The following TNIK variants were observed in gnomAD, a reference collection of about 807,000 sequenced individuals.
TNIK encodes TRAF2 and NCK interacting kinase.
TNIK carries 49 observed loss-of-function variants against 191.3 expected under a neutral mutation model. That is an observed-to-expected ratio of 0.26 (90% CI 0.20 to 0.32). The LOEUF (loss-of-function observed/expected upper bound fraction) is 0.32. TNIK is among the 10% of genes least tolerant of loss of function. The pLI is 1.00. For missense variants in TNIK, 1,155 were observed against 1,702.3 expected (o/e 0.68, Z 5.66); for synonymous variants, 594 against 600.9 (o/e 0.99, Z 0.17).
chr3:171,312,439 A>G (rs1754144304), intron 2 of TNIK, among the ~76,000 whole-genome samples: 2 of 152,152 alleles, frequency 1.3e-5, no homozygotes, highest in Non-Finnish European at 2.9e-5. Context: ...CTGACTATTT[A>G]GAATAACTGC....
chr3:171,107,574 C>A (rs1576834247), intron 20 of TNIK, among the ~76,000 whole-genome samples: 1 of 152,146 alleles, frequency 6.6e-6, no homozygotes, highest in African/African-American at 2.4e-5. Flanking sequence ...AGCAGTGAAG[C>A]TGGATGCTAA....
At chr3:171,128,565 G>A (rs1448053395) in intron 16 of TNIK, 149 bp downstream of exon 16, 6 of 1,014,726 alleles carry the variant, frequency 5.9e-6, no homozygotes, top group African/African-American at 3.2e-5. Context: ...TTAAAAATCA[G>A]TGGGGCCACC....
At chr3:171,401,635 T>G (rs1046715110) in intron 1 of TNIK, among the ~76,000 whole-genome samples, 1 of 152,020 alleles carries the variant, frequency 6.6e-6, no homozygotes, top group African/African-American at 2.4e-5. Flanking sequence ...GGGGCAACAC[T>G]TTATCAAATG....
chr3:171,086,300 T>C (rs983388667), intron 24 of TNIK, among the ~76,000 whole-genome samples: 1 of 152,182 alleles, frequency 6.6e-6, no homozygotes, highest in African/African-American at 2.4e-5. Flanking sequence ...CTCCTCAAGG[T>C]TGAATTCCCC....
At chr3:171,434,495 T>C (rs771394087) in intron 1 of TNIK, among the ~76,000 whole-genome samples, 1 of 151,998 alleles carries the variant, frequency 6.6e-6, no homozygotes, top group African/African-American at 2.4e-5. Context: ...TCTTGCTCTG[T>C]TGCCCAGGCT....
At chr3:171,305,010 A>T (rs771863980) in intron 2 of TNIK, among the ~76,000 whole-genome samples, 2 of 114,798 alleles carry the variant, frequency 1.7e-5, no homozygotes, top group African/African-American at 8.5e-5. Flanking sequence ...AAGTATAATT[A>T]AAAAAAAAAA....
At chr3:171,283,160 T>TA (rs3215113) in intron 2 of TNIK, among the ~76,000 whole-genome samples, 28,022 of 141,830 alleles carry the variant, frequency 0.2, 2,856 homozygotes, top group African/African-American at 0.26. Context: ...ATACCTACTT[T>TA]AAAAAAAAAA....
At chr3:171,444,574 T>TAAAAAAAAA (rs776537688) in intron 1 of TNIK, among the ~76,000 whole-genome samples, 1 of 90,842 alleles carries the variant, frequency 1.1e-5, no homozygotes. Flanking sequence ...ATAAACTTGC[T>TAAAAAAAAA]AAAAAAAAAA....
At position 171,063,681 on chromosome 3, in the gene TNIK, A is replaced by G; in HGVS notation, c.*200T>C. 1 of 491,788 alleles carries G rather than the reference A, an allele frequency of 2.0e-6. No individual in the cohort carries two copies. The highest frequency in any genetic ancestry group is 3.8e-5 in the Admixed American group (1 of 26,168). 30.5% of individuals were successfully genotyped at this position (491,788 alleles called of 1,614,324 possible). Reference sequence around the variant, plus strand: ...TGGGGATCTCCTGGAAATTCCTGCCACCTTTTTCTCTCCTTCTCAACCAGG... The same window carrying G: ...TGGGGATCTCCTGGAAATTCCTGCCGCCTTTTTCTCTCCTTCTCAACCAGG... On this transcript the variant is annotated 3_prime_UTR_variant, in exon 33 of 33. Transcript: ENST00000436636.
At chr3:171,267,179 C>T (rs1748500261) in intron 2 of TNIK, among the ~76,000 whole-genome samples, 1 of 152,154 alleles carries the variant, frequency 6.6e-6, no homozygotes, top group South Asian at 2.1e-4. Context: ...GTAGTATTCA[C>T]TCAATCTGAG....
In TNIK at chr3:171,201,041, C is replaced by T. The variant is rs116082570; in HGVS notation, c.307-6406G>A. On this transcript the variant is annotated intron_variant, in intron 4 of 32. Transcript: ENST00000436636. ...GGCAGGGGGCAGGAAGAGGTGCAAG[C>T]GGGAAGATTAAGGTCTTCCTAAAGT... is the stretch of plus-strand genomic sequence containing the variant. Among the ~76,000 whole-genome samples the T allele has an allele frequency of 9.4e-3, 1,434 of 152,208 alleles. 23 individuals are homozygous for T. The highest frequency in any genetic ancestry group is 0.033 in the African/African-American group (1,375 of 41,524).
chr3:171,343,431 C>T (rs984511155), intron 2 of TNIK, among the ~76,000 whole-genome samples: 3 of 152,238 alleles, frequency 2.0e-5, no homozygotes, highest in Non-Finnish European at 4.4e-5. Flanking sequence ...CACCATCTCT[C>T]AGGTTGTTGG....
At chr3:171,410,596 G>A (rs987424520) in intron 1 of TNIK, among the ~76,000 whole-genome samples, 6 of 151,916 alleles carry the variant, frequency 3.9e-5, no homozygotes, top group East Asian at 1.9e-4. Context: ...TGGCTAACAC[G>A]GTGAAACCCC....
At chr3:171,196,601 C>T (rs575728589) in intron 4 of TNIK, among the ~76,000 whole-genome samples, 179 of 152,048 alleles carry the variant, frequency 1.2e-3, no homozygotes, top group Non-Finnish European at 2.1e-3. Flanking sequence ...AAAAAAGAGA[C>T]GCAAAGAAAA....
intron 12 of TNIK, among the ~76,000 whole-genome samples, chr3:171,143,023 C>T (rs1384374777): frequency 6.6e-6 from 1 of 152,166 alleles, no homozygotes; most frequent in Non-Finnish European, 1.5e-5. Flanking sequence ...AAGGTGTATA[C>T]AGTATTGATT....
intron 23 of TNIK, among the ~76,000 whole-genome samples, chr3:171,088,824 A>AGCTGTCCTATG (rs1721691004): frequency 6.6e-6 from 1 of 152,198 alleles, no homozygotes. Context: ...GGATTCTTAG[A>AGCTGTCCTATG]GCAGATCTGA....
chr3:171,265,007 G>C (rs940703001), intron 2 of TNIK, among the ~76,000 whole-genome samples: 4 of 152,106 alleles, frequency 2.6e-5, no homozygotes, highest in African/African-American at 9.7e-5. Flanking sequence ...CTTTCCTTAC[G>C]GAACACCTTG....
chr3:171,183,927 A>G (rs867818695), intron 7 of TNIK, among the ~76,000 whole-genome samples: 3,418 of 150,096 alleles, frequency 0.023, 35 homozygotes, highest in South Asian at 0.055. Context: ...GTCTTAAAAA[A>G]AAAAAAAAAA....
At chr3:171,353,534 C>T (rs17474854) in intron 2 of TNIK, among the ~76,000 whole-genome samples, 22,592 of 152,058 alleles carry the variant, frequency 0.15, 2,114 homozygotes, top group South Asian at 0.25. Context: ...AGAACAAGGT[C>T]GGTCCTTGAG....
Sources: gnomAD v4.1 joint callset for allele counts (sites outside exome capture counted in the v4.1 genomes callset) on GRCh38, gnomAD v4.1.1 for gene constraint, MANE v1.5 for transcripts, NCBI Gene and HGNC (gene_info 2026-07-23, HGNC 2026-07-21) for gene names.